Variants in KLHL15 observed in about 807,000 individuals in gnomAD.
The protein encoded by KLHL15 is kelch-like protein 15.
A neutral mutation model predicts 29.3 loss-of-function variants in KLHL15; 1 was observed. The observed-to-expected ratio is 0.03, with a 90% CI of 0.01 to 0.16. The LOEUF (loss-of-function observed/expected upper bound fraction) is 0.16. Among genes scored for constraint, KLHL15 ranks in the 10% least tolerant of loss-of-function variants. KLHL15 has a pLI of 1.00. For missense variants in KLHL15, 215 were observed against 478.5 expected, an observed-to-expected ratio of 0.45 and a Z score of 5.14; for synonymous variants, 212 against 184.5, an observed-to-expected ratio of 1.15 and a Z score of -1.21.
At chrX:23,993,836 C>A (rs898167134) in intron 3 of KLHL15, among the ~76,000 whole-genome samples, 2 of 108,933 alleles carry the variant, frequency 1.8e-5, no homozygotes, top group Non-Finnish European at 3.8e-5. Context: ...TGAGACCAGC[C>A]TGGGCAACAT....
intron 3 of KLHL15, 26 bp from the exon 4 acceptor site, chrX:23,989,056 A>G (rs1601995418): frequency 8.8e-7 from 1 of 1,142,192 alleles, no homozygotes. Flanking sequence ...AAAGAATTTA[A>G]CCAAAGGAAA....
intron 3 of KLHL15, among the ~76,000 whole-genome samples, chrX:24,000,251 T>A (rs1237509215): frequency 1.8e-5 from 2 of 111,370 alleles, no homozygotes; most frequent in Non-Finnish European, 3.8e-5. Context: ...TTTGGGAGGC[T>A]GAGGCAGGCA....
chrX:23,997,754 A>AATC (rs1555975594), intron 3 of KLHL15, among the ~76,000 whole-genome samples: 3 of 67,178 alleles, frequency 4.5e-5, no homozygotes, highest in East Asian at 6.6e-4. Context: ...AAAAAAAAAA[A>AATC]TTTTTTTTTT....
chrX:23,988,869 A>G lies in KLHL15; in HGVS notation c.867T>C (p.Ile289=). ...KPQTTVFRGM[I]GHSMVNSKIL... ...TTTTACTGTTAACCATGCTATGTCC[A>G]ATCATTCCTCGAAATACTGTAGTTT... Residue 289 remains isoleucine (I), a synonymous_variant, in exon 4 of 4, where the codon ATT becomes ATC. Transcript: ENST00000328046. 1 of 1,211,970 alleles carries G rather than the reference A, an allele frequency of 8.3e-7. No individual in the cohort carries two copies.
At position 24,008,288 on chromosome X, in the gene KLHL15, T is replaced by C. The variant is rs181351513; in HGVS notation, c.-7-1588A>G. ...CGGAGTCTTGCTCTGTCATCCAGGCTGGAGTGCAGTGGCACAATCTCGGCT... is the reference window on the plus strand; with the variant it reads ...CGGAGTCTTGCTCTGTCATCCAGGCCGGAGTGCAGTGGCACAATCTCGGCT... On this transcript the variant is annotated intron_variant, in intron 2 of 3. Transcript: ENST00000328046. 4.5e-4 allele frequency among the ~76,000 whole-genome samples: 51 copies of C among 112,420 alleles called. 1 individual carries two copies. The Admixed American group carries it at 4.6e-3, about 10-fold the overall frequency.
intron 2 of KLHL15, among the ~76,000 whole-genome samples, chrX:24,017,530 C>T (rs1320417243): frequency 1.8e-5 from 2 of 110,239 alleles, no homozygotes; most frequent in East Asian, 2.8e-4. Flanking sequence ...TCTATAATCC[C>T]ACCACTTTGG....
intron 2 of KLHL15, among the ~76,000 whole-genome samples, chrX:24,019,121 T>A (rs951102751): frequency 1.8e-5 from 2 of 112,613 alleles, no homozygotes; most frequent in African/African-American, 6.5e-5. Flanking sequence ...GAGAAGCCCA[T>A]TGGCTTTTAT....
rs749203211 is a variant in KLHL15, at chrX:23,988,184, C to G, written c.1552G>C (p.Glu518Gln). 49 of 1,212,142 alleles carry G rather than the reference C, an allele frequency of 4.0e-5. No homozygotes were observed. The highest frequency in any genetic ancestry group is 5.5e-5 in the Non-Finnish European group (49 of 895,625). Residue 518 changes from glutamate to glutamine, a missense_variant, in exon 4 of 4, where the codon GAG becomes CAG. Transcript: ENST00000328046. ...GCPSTEVYNP[E>Q]TDQWTILASM... ...GCCAAGATGGTCCACTGATCAGTCTCTGGGTTGTATACTTCTGTAGAAGGG... is the reference window on the plus strand; with the variant it reads ...GCCAAGATGGTCCACTGATCAGTCTGTGGGTTGTATACTTCTGTAGAAGGG...
chrX:24,018,131 T>C (rs762734330), intron 2 of KLHL15, among the ~76,000 whole-genome samples: 58 of 111,557 alleles, frequency 5.2e-4, no homozygotes, highest in Middle Eastern at 4.6e-3. Flanking sequence ...TACAGAATTA[T>C]ATCAATTTAA....
chrX:23,990,199 A>G (rs1032212066), intron 3 of KLHL15, among the ~76,000 whole-genome samples: 2 of 111,580 alleles, frequency 1.8e-5, no homozygotes, highest in African/African-American at 6.5e-5. Context: ...CTATAGGGAG[A>G]AACAAAAATA....
intron 2 of KLHL15, among the ~76,000 whole-genome samples, chrX:24,024,086 A>C (rs1386148626): frequency 8.9e-6 from 1 of 112,142 alleles, no homozygotes; most frequent in Non-Finnish European, 1.9e-5. Context: ...AAAGGGGCCT[A>C]AAGCGGCCTA....
At chrX:23,991,720 A>T (rs1283259022) in intron 3 of KLHL15, among the ~76,000 whole-genome samples, 1 of 110,269 alleles carries the variant, frequency 9.1e-6, no homozygotes, top group African/African-American at 3.3e-5. Flanking sequence ...CCTGCCTGTA[A>T]TCCCGGCTAC....
chrX:23,997,506 T>TG (rs1929213778), intron 3 of KLHL15, among the ~76,000 whole-genome samples: 1 of 108,833 alleles, frequency 9.2e-6, no homozygotes, highest in African/African-American at 3.3e-5. Flanking sequence ...GGGAGGCAGG[T>TG]GAACACCTGA....
chrX:24,009,340 A>C (rs770821371), intron 2 of KLHL15, among the ~76,000 whole-genome samples: 3 of 109,123 alleles, frequency 2.7e-5, no homozygotes, highest in Non-Finnish European at 5.7e-5. Context: ...TCTACTAAAA[A>C]TATAAAAATT....
rs192286750 is a variant in KLHL15, at chrX:23,986,746, C to T, written c.*1175G>A. ...AACCAGTAACATTATAATTCTATTT[C>T]TTACCTCTAAGTCAAAACTGAGGTC... On this transcript the variant is annotated 3_prime_UTR_variant, in exon 4 of 4. Coordinates refer to ENST00000328046, the MANE Select transcript of KLHL15 (RefSeq NM_030624.3). 364 of 112,051 alleles carry T rather than the reference C, an allele frequency of 3.2e-3. 2 individuals carry two copies. The highest frequency in any genetic ancestry group is 0.011 in the African/African-American group (344 of 30,925). 9.2% of individuals were successfully genotyped at this position (112,051 alleles called of 1,213,427 possible).
intron 1 of KLHL15, among the ~76,000 whole-genome samples, chrX:24,026,134 A>C (rs943365869): frequency 6.2e-5 from 7 of 112,110 alleles, no homozygotes; most frequent in African/African-American, 2.3e-4. Context: ...TTGTAAGGCA[A>C]CTTGCAGTGG....
At chrX:24,001,300 TTA>T (rs1257739436) in intron 3 of KLHL15, among the ~76,000 whole-genome samples, 1 of 111,694 alleles carries the variant, frequency 9.0e-6, no homozygotes, top group Non-Finnish European at 1.9e-5. Flanking sequence ...TGAAAAGATT[TTA>T]TGATTATGTA....
intron 3 of KLHL15, among the ~76,000 whole-genome samples, chrX:23,999,391 C>T (rs1039926165): frequency 3.7e-5 from 4 of 107,595 alleles, no homozygotes; most frequent in East Asian, 3.0e-4. Context: ...GTCAGGAGAT[C>T]GATACCATCT....
chrX:24,022,570 G>C (rs1929832528), intron 2 of KLHL15, among the ~76,000 whole-genome samples: 1 of 106,009 alleles, frequency 9.4e-6, no homozygotes, highest in Admixed American at 1.0e-4. Context: ...GGAGGTGGAG[G>C]TTCCAATGAG....
Sources: allele counts gnomAD v4.1 joint callset (sites outside exome capture counted in the v4.1 genomes callset), GRCh38; gene constraint gnomAD v4.1.1; transcripts MANE v1.5; gene names NCBI Gene and HGNC (gene_info 2026-07-23, HGNC 2026-07-21).